TINAG: variants seen among roughly 807,000 people sequenced by gnomAD.
The protein encoded by TINAG is tubulointerstitial nephritis antigen.
A neutral mutation model predicts 72.7 loss-of-function variants in TINAG; 83 were observed. The ratio of observed to expected loss-of-function variants is 1.14; its 90% CI spans 0.96 to 1.37. The LOEUF is 1.37. Among genes scored for constraint, TINAG ranks in the 40% most tolerant of loss-of-function variants. TINAG has a pLI of 0.00. For synonymous variants in TINAG, 234 were observed against 189.9 expected, an observed-to-expected ratio of 1.23 and a Z score of -1.91; for missense variants, 685 against 576.6, an observed-to-expected ratio of 1.19 and a Z score of -1.93.
intron 1 of TINAG, among the ~76,000 whole-genome samples, chr6:54,310,574 C>G: frequency 6.8e-6 from 1 of 147,378 alleles, no homozygotes. Flanking sequence ...CTCCCTCTCT[C>G]TTTCTTCTCT....
At chr6:54,380,979 G>T (rs2150982791) in intron 10 of TINAG, among the ~76,000 whole-genome samples, 1 of 137,084 alleles carries the variant, frequency 7.3e-6, no homozygotes, top group South Asian at 2.3e-4. Flanking sequence ...ATAACCTATA[G>T]GATATATATA....
chr6:54,358,214 T>C (rs565048467), intron 9 of TINAG, among the ~76,000 whole-genome samples: 1 of 151,988 alleles, frequency 6.6e-6, no homozygotes, highest in Admixed American at 6.6e-5. Context: ...ACTTGCCCTC[T>C]GCTCCAGCAA....
chr6:54,327,282 T>C, intron 4 of TINAG: 1 of 1,219,760 alleles, frequency 8.2e-7, no homozygotes, highest in Non-Finnish European at 1.1e-6. Context: ...GGTTAGACAG[T>C]GGGTGCAGCC....
chr6:54,347,972 C>A (rs572972289), intron 6 of TINAG, among the ~76,000 whole-genome samples: 4 of 152,130 alleles, frequency 2.6e-5, no homozygotes, highest in African/African-American at 9.6e-5. Context: ...CAGTATTGTT[C>A]ATTAATTTTC....
At chr6:54,329,788 G>A (rs1446420009) in intron 4 of TINAG, among the ~76,000 whole-genome samples, 1 of 151,778 alleles carries the variant, frequency 6.6e-6, no homozygotes, top group Non-Finnish European at 1.5e-5. Flanking sequence ...TATTTACCAA[G>A]TAAATGGAAA....
At chr6:54,372,701 C>T (rs1224510089) in intron 9 of TINAG, among the ~76,000 whole-genome samples, 1 of 147,598 alleles carries the variant, frequency 6.8e-6, no homozygotes, top group Non-Finnish European at 1.5e-5. Context: ...TTATCCGATC[C>T]TCCAAGAATA....
In TINAG at chr6:54,380,569, T is replaced by G. The variant is rs139635385; in HGVS notation, c.1294T>G (p.Trp432Gly). The G allele has an allele frequency of 9.8e-5, 158 of 1,610,322 alleles. No individual in the cohort carries two copies. The highest frequency in any genetic ancestry group is 2.8e-4 in the Admixed American group (17 of 59,772). The change falls in exon 10 of 11, where the codon TGG becomes GGG. Residue 432 changes from tryptophan to glycine, a missense_variant and splice_region_variant. Physicochemically the swap from Trp to Gly is radical, Grantham distance 184. Transcript: ENST00000259782. Reference protein sequence around the residue: ...RGAQGQKEKFWIAANSWGKSW... With the variant: ...RGAQGQKEKFGIAANSWGKSW... ...AGCACAAGGGCAGAAAGAAAAATTT[T>G]GGGTATGTAACTCTTTCCAGTTGAA...
intron 1 of TINAG, among the ~76,000 whole-genome samples, chr6:54,310,594 CTTTT>C (rs1438490585): frequency 2.8e-5 from 4 of 143,024 alleles, no homozygotes; most frequent in South Asian, 2.3e-4. Context: ...TTCTTTCTTT[CTTTT>C]CTTTCTCTCT....
At chr6:54,347,673 A>G (rs958429482) in intron 6 of TINAG, among the ~76,000 whole-genome samples, 156 bp downstream of exon 6, 2 of 152,142 alleles carry the variant, frequency 1.3e-5, no homozygotes, top group African/African-American at 4.8e-5. Context: ...AATGTATACT[A>G]TATTTCTTAT....
chr6:54,374,672 T>C (rs1046041966), intron 9 of TINAG, among the ~76,000 whole-genome samples: 11 of 152,118 alleles, frequency 7.2e-5, no homozygotes, highest in Admixed American at 7.2e-4. Context: ...TAGTCTTACC[T>C]CTGAAAGCAA....
At chr6:54,368,913 C>T (rs145956167) in intron 9 of TINAG, among the ~76,000 whole-genome samples, 88 of 151,718 alleles carry the variant, frequency 5.8e-4, no homozygotes, top group Non-Finnish European at 1.0e-3. Context: ...AAGGCTTGTA[C>T]ATTTTTTATT....
Position 54,326,906 on chromosome 6 carries a change from A to G in TINAG, c.614A>G (p.Asn205Ser). Residue 205 changes from asparagine (N) to serine (S), a missense_variant, in exon 4 of 11, where the codon AAT (asparagine) becomes AGT (serine). Coordinates refer to ENST00000259782, the MANE Select transcript of TINAG (RefSeq NM_014464.4). ...LPPSPMLLSM[N>S]EMTASLPATT... ...CCTAGTCCCATGCTCCTGAGCATGA[A>G]TGAAATGACAGTAAGTGTTCCTTCT... is the stretch of plus-strand genomic sequence containing the variant. 2 of 1,613,066 alleles carry G rather than the reference A, an allele frequency of 1.2e-6. No individual in the cohort carries two copies. The highest frequency in any genetic ancestry group is 1.7e-6 in the Non-Finnish European group (2 of 1,179,790).
intron 9 of TINAG, among the ~76,000 whole-genome samples, chr6:54,360,887 G>C (rs1419767856): frequency 1.8e-5 from 1 of 55,846 alleles, no homozygotes; most frequent in African/African-American, 5.6e-5. Flanking sequence ...TTGAAAGTTT[G>C]TGGCAACCCT....
At chr6:54,378,001 G>A (rs554009529) in intron 9 of TINAG, among the ~76,000 whole-genome samples, 1 of 151,992 alleles carries the variant, frequency 6.6e-6, no homozygotes, top group Non-Finnish European at 1.5e-5. Flanking sequence ...GCAACTCTAT[G>A]AAATATTTGA....
intron 4 of TINAG, among the ~76,000 whole-genome samples, chr6:54,334,982 T>C (rs906660): frequency 0.49 from 74,347 of 151,792 alleles, 19,300 homozygotes; most frequent in Middle Eastern, 0.62. Context: ...ATTTTTGTTC[T>C]TACCCAGTGA....
intron 9 of TINAG, among the ~76,000 whole-genome samples, chr6:54,360,841 GTTTT>G (rs70983415): frequency 7.2e-4 from 19 of 26,244 alleles, no homozygotes; most frequent in South Asian, 2.3e-3. Flanking sequence ...CAGATACTGT[GTTTT>G]TTTTTTTTTT....
chr6:54,330,438 T>C (rs1489941380), intron 4 of TINAG, among the ~76,000 whole-genome samples: 1 of 152,210 alleles, frequency 6.6e-6, no homozygotes, highest in Non-Finnish European at 1.5e-5. Context: ...CCAGAATCTC[T>C]GGGACACAGC....
chr6:54,385,293 A>C lies in TINAG; in HGVS notation c.1297-4498A>C, dbSNP rs552861598. 1.8e-4 allele frequency among the ~76,000 whole-genome samples: 27 copies of C among 152,220 alleles called. No homozygotes were observed. The South Asian group carries it at 4.8e-3, about 27-fold the overall frequency. ...AAGAAACAAGGAGAGACAAATTGCC[A>C]TAGAAATGAAAAAAGAGAACATTGC... On this transcript the variant is annotated intron_variant, in intron 10 of 10. Transcript: ENST00000259782.
intron 4 of TINAG, among the ~76,000 whole-genome samples, chr6:54,338,692 C>T (rs554358515): frequency 8.5e-4 from 122 of 144,160 alleles, no homozygotes; most frequent in African/African-American, 3.1e-3. Flanking sequence ...CCACTGCACT[C>T]CCAGGCGACA....
Sources: allele counts gnomAD v4.1 joint callset (sites outside exome capture counted in the v4.1 genomes callset), GRCh38; gene constraint gnomAD v4.1.1; transcripts MANE v1.5; gene names NCBI Gene and HGNC (gene_info 2026-07-23, HGNC 2026-07-21).